The following GNA12 variants were observed in gnomAD, a reference collection of about 807,000 sequenced individuals.
GNA12 encodes the protein guanine nucleotide-binding protein subunit alpha-12.
In GNA12, 9 loss-of-function variants were observed where a neutral mutation model predicts 26.0. That is an observed-to-expected ratio of 0.35 (90% CI 0.21 to 0.60). The LOEUF is 0.60. Among genes scored for constraint, GNA12 ranks in the 20% least tolerant of loss-of-function variants. The probability of loss-of-function intolerance (pLI) is 0.78; values close to 1 mark genes in which losing one functional copy is unlikely to be tolerated. For missense variants in GNA12, 405 were observed against 525.8 expected (o/e 0.77, Z 2.25); for synonymous variants, 264 against 219.6 (o/e 1.20, Z -1.79).
At chr7:2,822,305 G>A (rs1015782309) in intron 1 of GNA12, among the ~76,000 whole-genome samples, 1 of 152,166 alleles carries the variant, frequency 6.6e-6, no homozygotes, top group Non-Finnish European at 1.5e-5. Flanking sequence ...TCAGAATTCA[G>A]AGATCTACCT....
At chr7:2,817,500 C>G (rs965062679) in intron 1 of GNA12, among the ~76,000 whole-genome samples, 1 of 152,230 alleles carries the variant, frequency 6.6e-6, no homozygotes, top group Non-Finnish European at 1.5e-5. Context: ...CACCTGCTCT[C>G]TCGCCCTCAC....
chr7:2,814,332 T>C (rs943477095), intron 1 of GNA12: 2 of 1,591,632 alleles, frequency 1.3e-6, no homozygotes, highest in African/African-American at 1.3e-5. Flanking sequence ...GGGTGTGCAA[T>C]GAGTAGGTGC....
chr7:2,843,914 C>A lies in GNA12; in HGVS notation c.248G>T (p.Arg83Leu). ...CAGCAGCGCCTTCTGGTCGAACTCG[C>A]GGCCGTGGATGATGCGCATCTGCTT... Reference protein sequence around the residue: ...FLKQMRIIHGREFDQKALLEF... With the variant: ...FLKQMRIIHGLEFDQKALLEF... The change falls in exon 1 of 4, where the codon CGC becomes CTC. Residue 83 changes from arginine (R) to leucine (L), a missense_variant. Coordinates refer to ENST00000275364, the MANE Select transcript of GNA12 (RefSeq NM_007353.3). 6.3e-7 allele frequency: 1 copy of A among 1,585,652 alleles called. No homozygotes were observed. Among genetic ancestry groups the A allele is most frequent in the Non-Finnish European group, 8.6e-7 (1 of 1,167,858 alleles).
intron 1 of GNA12, among the ~76,000 whole-genome samples, chr7:2,833,939 T>A (rs1272185110): frequency 6.6e-6 from 1 of 152,070 alleles, no homozygotes; most frequent in Non-Finnish European, 1.5e-5. Flanking sequence ...AAAAAAAAAA[T>A]TTAATTTCCA....
chr7:2,781,412 CTGTG>C (rs58348546), intron 2 of GNA12, among the ~76,000 whole-genome samples: 4,890 of 143,658 alleles, frequency 0.034, 135 homozygotes, highest in African/African-American at 0.072. Flanking sequence ...AAGTAAGTGT[CTGTG>C]TGTGTGTGTG....
intron 2 of GNA12, chr7:2,765,029 A>G (rs1017683791): frequency 2.6e-5 from 4 of 152,274 alleles, no homozygotes; most frequent in Non-Finnish European, 4.4e-5. Context: ...CTTAAAGGAA[A>G]GGAAGCATAA....
At chr7:2,745,188 G>C (rs1281977381) in intron 2 of GNA12, among the ~76,000 whole-genome samples, 1 of 152,122 alleles carries the variant, frequency 6.6e-6, no homozygotes, top group African/African-American at 2.4e-5. Context: ...GATACTCCTT[G>C]AGAAAGGCAA....
intron 2 of GNA12, among the ~76,000 whole-genome samples, chr7:2,793,639 T>C (rs1430294156): frequency 2.0e-5 from 3 of 152,012 alleles, no homozygotes; most frequent in Admixed American, 6.5e-5. Flanking sequence ...TCCCAGCACT[T>C]TGGGAGGCCG....
At position 2,761,599 on chromosome 7, in the gene GNA12, A is replaced by G. The variant is rs147079409; in HGVS notation, c.526-28098T>C. ...AATTCCTAGGATACAAACAGTTCTC[A>G]CTTTACACAGGGCACGTTCCCGAAC... On this transcript the variant is annotated intron_variant, in intron 2 of 3. Transcript: ENST00000275364. 3.6e-3 allele frequency among the ~76,000 whole-genome samples: 552 copies of G among 152,314 alleles called. 3 individuals are homozygous for G. Among genetic ancestry groups the G allele is most frequent in the Non-Finnish European group, 4.6e-3 (316 of 68,030 alleles).
intron 2 of GNA12, among the ~76,000 whole-genome samples, chr7:2,773,499 C>A (rs1316435900): frequency 6.6e-6 from 1 of 152,100 alleles, no homozygotes; most frequent in African/African-American, 2.4e-5. Flanking sequence ...GAGGCAGAGG[C>A]TGCAGTGAGC....
chr7:2,795,934 C>T (rs1277901873), intron 1 of GNA12, among the ~76,000 whole-genome samples: 2 of 151,836 alleles, frequency 1.3e-5, no homozygotes, highest in Non-Finnish European at 2.9e-5. Flanking sequence ...AATTCTCCTG[C>T]CTCAGCCTCC....
At chr7:2,735,577 C>G (rs1256845616) in intron 2 of GNA12, among the ~76,000 whole-genome samples, 10 of 152,192 alleles carry the variant, frequency 6.6e-5, no homozygotes, top group Non-Finnish European at 1.5e-4. Context: ...TGAGTCTAAA[C>G]ACCCCTCGAG....
In GNA12 at chr7:2,743,888, G is replaced by A. The variant is rs551613469; in HGVS notation, c.526-10387C>T. ...CCAGATTACATCCCGCACCTGGCTC[G>A]GAGGGTCCTACACCCAAGGAGTCTT... On this transcript the variant is annotated intron_variant, in intron 2 of 3. Coordinates refer to ENST00000275364, the MANE Select transcript of GNA12 (RefSeq NM_007353.3). Among the ~76,000 whole-genome samples the A allele has an allele frequency of 2.2e-4, 34 of 152,038 alleles. No individual in the cohort carries two copies. In the South Asian group the frequency reaches 6.2e-3, roughly 28 times the overall value.
intron 2 of GNA12, among the ~76,000 whole-genome samples, chr7:2,738,207 G>A (rs1383806799): frequency 6.6e-6 from 1 of 152,044 alleles, no homozygotes; most frequent in Non-Finnish European, 1.5e-5. Context: ...TTGAGGTCAG[G>A]AGTTCGAGAC....
intron 1 of GNA12, among the ~76,000 whole-genome samples, chr7:2,798,006 A>T (rs2115462202): frequency 6.6e-6 from 1 of 152,322 alleles, no homozygotes; most frequent in African/African-American, 2.4e-5. Context: ...CTTGATAAAG[A>T]ACACTGACAA....
At chr7:2,762,488 C>A in intron 2 of GNA12, 7 of 765,148 alleles carry the variant, frequency 9.1e-6, no homozygotes, top group Non-Finnish European at 1.4e-5. Context: ...TGTGCGGGGC[C>A]TGAGGTGTGA....
At chr7:2,822,303 C>T (rs1296557013) in intron 1 of GNA12, among the ~76,000 whole-genome samples, 1 of 152,194 alleles carries the variant, frequency 6.6e-6, no homozygotes, top group Non-Finnish European at 1.5e-5. Context: ...CTTCAGAATT[C>T]AGAGATCTAC....
At chr7:2,738,710 TA>T (rs985766142) in intron 2 of GNA12, among the ~76,000 whole-genome samples, 1 of 151,446 alleles carries the variant, frequency 6.6e-6, no homozygotes, top group Non-Finnish European at 1.5e-5. Context: ...CTTCCATAAT[TA>T]AAAAAAAATT....
At chr7:2,756,296 C>T (rs2115380107) in intron 2 of GNA12, among the ~76,000 whole-genome samples, 1 of 152,254 alleles carries the variant, frequency 6.6e-6, no homozygotes, top group Admixed American at 6.5e-5. Context: ...CAAAAAAGGA[C>T]ATTGATTCTA....
Sources: allele counts gnomAD v4.1 joint callset (sites outside exome capture counted in the v4.1 genomes callset), GRCh38; gene constraint gnomAD v4.1.1; transcripts MANE v1.5; gene names NCBI Gene and HGNC (gene_info 2026-07-23, HGNC 2026-07-21).